Variants in OXCT1 observed in about 807,000 individuals in gnomAD.
OXCT1 encodes the protein 3-oxoacid CoA-transferase 1.
In OXCT1, 27 loss-of-function variants were observed where a neutral mutation model predicts 69.6. The ratio of observed to expected loss-of-function variants is 0.39; its 90% CI spans 0.29 to 0.54. The LOEUF is 0.54. OXCT1 is among the 20% of genes least tolerant of loss of function. The probability of loss-of-function intolerance (pLI) is 0.72; values close to 1 mark genes in which losing one functional copy is unlikely to be tolerated. For missense variants in OXCT1, 437 were observed against 650.2 expected (o/e 0.67, Z 3.57); for synonymous variants, 202 against 217.8 (o/e 0.93, Z 0.64).
intron 7 of OXCT1, among the ~76,000 whole-genome samples, chr5:41,825,447 T>G (rs1337448360): frequency 6.6e-6 from 1 of 152,226 alleles, no homozygotes; most frequent in Admixed American, 6.5e-5. Flanking sequence ...AACTGTTAAC[T>G]GTTTTAAAAT....
intron 16 of OXCT1, among the ~76,000 whole-genome samples, chr5:41,733,323 C>T (rs1274266227): frequency 2.0e-5 from 3 of 151,280 alleles, no homozygotes; most frequent in African/African-American, 4.9e-5. Context: ...CTTGGCTCAC[C>T]GCAACCTCCG....
chr5:41,770,824 G>T (rs764833550), intron 13 of OXCT1, among the ~76,000 whole-genome samples: 1 of 152,020 alleles, frequency 6.6e-6, no homozygotes, highest in Non-Finnish European at 1.5e-5. Context: ...TATGATAATT[G>T]TATACATTAG....
intron 8 of OXCT1, 51 bp downstream of exon 8, chr5:41,807,280 T>G: frequency 2.0e-6 from 2 of 992,170 alleles, no homozygotes; most frequent in South Asian, 2.6e-5. Context: ...AGGGATGCAC[T>G]ATCTCTGTAA....
At chr5:41,843,111 AT>A (rs1348991707) in intron 5 of OXCT1, among the ~76,000 whole-genome samples, 1 of 152,204 alleles carries the variant, frequency 6.6e-6, no homozygotes, top group Non-Finnish European at 1.5e-5. Flanking sequence ...AATGTGAAAA[AT>A]AGTCCTTCTT....
At chr5:41,859,864 A>AT (rs1749633869) in intron 3 of OXCT1, among the ~76,000 whole-genome samples, 2 of 120,116 alleles carry the variant, frequency 1.7e-5, no homozygotes, top group African/African-American at 6.1e-5. Flanking sequence ...CTAGTATAGT[A>AT]ATATATATAT....
chr5:41,853,672 T>A (rs747044193), intron 3 of OXCT1, 118 bp from the exon 4 acceptor site: 1 of 1,125,162 alleles, frequency 8.9e-7, no homozygotes. Flanking sequence ...TATAGGCATT[T>A]GATCCACATT....
chr5:41,773,014 G>A (rs1381425864), intron 13 of OXCT1, among the ~76,000 whole-genome samples: 1 of 152,120 alleles, frequency 6.6e-6, no homozygotes, highest in African/African-American at 2.4e-5. Context: ...CACTCTGGGA[G>A]GGTCCTATCA....
intron 5 of OXCT1, among the ~76,000 whole-genome samples, chr5:41,847,117 A>G (rs1029955618): frequency 1.3e-5 from 2 of 151,996 alleles, no homozygotes; most frequent in Non-Finnish European, 2.9e-5. Flanking sequence ...GATCCCACAG[A>G]AATACAAACT....
chr5:41,861,226 A>C, intron 3 of OXCT1, 88 bp downstream of exon 3: 1 of 886,056 alleles, frequency 1.1e-6, no homozygotes, highest in Non-Finnish European at 1.9e-6. Flanking sequence ...TGTGAATAGG[A>C]GAAAACTTCA....
intron 1 of OXCT1, among the ~76,000 whole-genome samples, chr5:41,868,960 A>G (rs897786215): frequency 2.0e-5 from 3 of 152,230 alleles, no homozygotes. Flanking sequence ...TGAGTAAATT[A>G]CAGTTGGGCA....
intron 13 of OXCT1, among the ~76,000 whole-genome samples, chr5:41,772,935 G>A (rs1327369920): frequency 1.3e-5 from 2 of 152,096 alleles, no homozygotes; most frequent in Non-Finnish European, 2.9e-5. Flanking sequence ...GTCCCAAAAG[G>A]GAAAAGCACA....
At chr5:41,814,438 C>A (rs1009805773) in intron 7 of OXCT1, among the ~76,000 whole-genome samples, 1 of 151,908 alleles carries the variant, frequency 6.6e-6, no homozygotes, top group East Asian at 1.9e-4. Context: ...ATGTTTATTG[C>A]GGCTCTATTC....
intron 9 of OXCT1, among the ~76,000 whole-genome samples, chr5:41,805,089 C>A (rs1443230046): frequency 6.6e-6 from 1 of 151,878 alleles, no homozygotes; most frequent in East Asian, 1.9e-4. Context: ...TTGTTGAATA[C>A]CCTCATAAAA....
chr5:41,758,634 T>C (rs1166288479), intron 14 of OXCT1, among the ~76,000 whole-genome samples: 2 of 151,106 alleles, frequency 1.3e-5, no homozygotes, highest in African/African-American at 4.9e-5. Context: ...TTATAAAGAG[T>C]TCTGGAGGGA....
chr5:41,836,060 C>T (rs2112382857), intron 7 of OXCT1, among the ~76,000 whole-genome samples: 1 of 152,282 alleles, frequency 6.6e-6, no homozygotes, highest in South Asian at 2.1e-4. Flanking sequence ...AACAGGATTC[C>T]TCCTGAGAAA....
chr5:41,827,886 C>T (rs1036984878), intron 7 of OXCT1, among the ~76,000 whole-genome samples: 2 of 152,142 alleles, frequency 1.3e-5, no homozygotes, highest in African/African-American at 4.8e-5. Context: ...ACTGTTCTTC[C>T]GCCTCCTAAG....
In OXCT1 at chr5:41,870,294, G is replaced by A. The variant is rs1226797426; in HGVS notation, c.65C>T (p.Ala22Val). ...RLCASARGSG[A>V]TWYKGCVCSF... ...CCCGCACTTTACCTTGTACCAGGTT[G>A]CCCCAGATCCGCGGGCAGAGGCGCA... The change falls in exon 1 of 17, where the codon GCA (alanine) becomes GTA (valine). Residue 22 changes from alanine to valine, a missense_variant. Around this residue, in one of 4 missense-constraint regions of OXCT1, gnomAD observed 79 missense variants for 61.5 expected, o/e 1.28. Coordinates refer to ENST00000196371, the MANE Select transcript of OXCT1 (RefSeq NM_000436.4). The surrounding 1 kb of genome is among the most constrained non-coding windows in gnomAD (Gnocchi z 4.2). The A allele has an allele frequency of 6.2e-7, 1 of 1,613,652 alleles. No homozygotes were observed.
intron 13 of OXCT1, among the ~76,000 whole-genome samples, chr5:41,767,720 G>GTATATATATATATATATATA (rs751695010): frequency 7.7e-5 from 6 of 78,348 alleles, no homozygotes; most frequent in East Asian, 3.9e-4. Context: ...ATATATGTGT[G>GTATATATATATATATATATA]TGTATATATA....
At chr5:41,859,192 T>A (rs1004334190) in intron 3 of OXCT1, among the ~76,000 whole-genome samples, 1 of 152,204 alleles carries the variant, frequency 6.6e-6, no homozygotes, top group African/African-American at 2.4e-5. Context: ...TTTGCTGTGC[T>A]TGTGTTCAAG....
Sources: allele counts gnomAD v4.1 joint callset (sites outside exome capture counted in the v4.1 genomes callset), GRCh38; gene constraint gnomAD v4.1.1; regional missense constraint gnomAD v4.1.1; non-coding constraint Gnocchi (gnomAD v3.1); transcripts MANE v1.5; gene names NCBI Gene and HGNC (gene_info 2026-07-23, HGNC 2026-07-21).